The following RTN4IP1 variants were observed in gnomAD, a reference collection of about 807,000 sequenced individuals.
RTN4IP1 encodes NAD(P)H oxidoreductase RTN4IP1, mitochondrial.
A neutral mutation model predicts 46.6 loss-of-function variants in RTN4IP1; 32 were observed. That is an observed-to-expected ratio of 0.69 (90% CI 0.52 to 0.92). The LOEUF (loss-of-function observed/expected upper bound fraction) is 0.92, where lower values mean the gene tolerates loss of function less well. RTN4IP1 is among the 40% of genes least tolerant of loss of function. The pLI, the probability that RTN4IP1 is intolerant of heterozygous loss-of-function variation, is 0.00. For synonymous variants in RTN4IP1, 167 were observed against 161.8 expected, an observed-to-expected ratio of 1.03 and a Z score of -0.24; for missense variants, 424 against 485.8, an observed-to-expected ratio of 0.87 and a Z score of 1.20.
chr6:106,601,761 C>T (rs1171802303), intron 5 of RTN4IP1, among the ~76,000 whole-genome samples: 3 of 151,750 alleles, frequency 2.0e-5, no homozygotes, highest in Non-Finnish European at 4.4e-5. Context: ...CAGACACATG[C>T]CACCATGTCC....
chr6:106,628,552 T>C (rs1280175340), intron 1 of RTN4IP1, among the ~76,000 whole-genome samples, 196 bp downstream of exon 1: 2 of 152,126 alleles, frequency 1.3e-5, no homozygotes, highest in African/African-American at 4.8e-5. Flanking sequence ...AAGCTTATAT[T>C]TTGTCAATAC....
intron 1 of RTN4IP1, among the ~76,000 whole-genome samples, chr6:106,627,743 CTTTTTTTTTTTT>C (rs759953237): frequency 3.4e-4 from 18 of 52,992 alleles, no homozygotes; most frequent in African/African-American, 8.8e-4. Flanking sequence ...CATTTCAATG[CTTTTTTTTTTTT>C]TTTTTTTTTT....
intron 5 of RTN4IP1, among the ~76,000 whole-genome samples, chr6:106,599,223 T>C (rs1775880886): frequency 6.6e-6 from 1 of 151,934 alleles, no homozygotes; most frequent in African/African-American, 2.4e-5. Context: ...TGCTTTTCTA[T>C]TACTTTTTAA....
chr6:106,619,065 G>A, intron 4 of RTN4IP1, 137 bp downstream of exon 4: 1 of 972,300 alleles, frequency 1.0e-6, no homozygotes, highest in South Asian at 1.8e-5. Context: ...GAATGCTTTG[G>A]AAATTGTTTT....
chr6:106,629,039 C>T lies in RTN4IP1; in HGVS notation c.-18G>A, dbSNP rs1220618209. On this transcript the variant is annotated 5_prime_UTR_variant, in exon 1 of 9. Transcript: ENST00000369063. ...AATTCCATTGTAAACACTGGTTGAA[C>T]TGCGTGCTCAAATTCAAATACACTT... 1 of 1,594,984 alleles carries T rather than the reference C, an allele frequency of 6.3e-7. No individual in the cohort carries two copies. The highest frequency in any genetic ancestry group is 2.2e-5 in the East Asian group (1 of 44,584).
chr6:106,602,951 G>A (rs768507617), intron 4 of RTN4IP1, 29 bp from the exon 5 acceptor site: 23 of 1,571,436 alleles, frequency 1.5e-5, no homozygotes, highest in African/African-American at 4.1e-5. Context: ...CACAATTAAC[G>A]AGAATCTAAA....
At chr6:106,577,099 A>G (rs558956920) in intron 8 of RTN4IP1, among the ~76,000 whole-genome samples, 1 of 152,318 alleles carries the variant, frequency 6.6e-6, no homozygotes, top group South Asian at 2.1e-4. Flanking sequence ...CAGAAGGCTT[A>G]CTAATTAGAT....
chr6:106,598,181 C>T (rs1775850150), intron 5 of RTN4IP1, among the ~76,000 whole-genome samples: 1 of 152,064 alleles, frequency 6.6e-6, no homozygotes, highest in Admixed American at 6.6e-5. Flanking sequence ...TTTATAGTAG[C>T]ATGATTTATA....
At chr6:106,608,207 A>G (rs1776134530) in intron 4 of RTN4IP1, among the ~76,000 whole-genome samples, 1 of 152,206 alleles carries the variant, frequency 6.6e-6, no homozygotes, top group Admixed American at 6.5e-5. Context: ...CCTGGAGGAC[A>G]TTATGTTAAG....
chr6:106,587,183 T>C lies in RTN4IP1; in HGVS notation c.990+496A>G, dbSNP rs141654505. On this transcript the variant is annotated intron_variant, in intron 7 of 8. Transcript: ENST00000369063. Reference sequence around the variant, plus strand: ...TCTGGGAATCACTGGTCTATCCCAATACAATGAAAACAGCAGCTGTAAGTT... The same window carrying C: ...TCTGGGAATCACTGGTCTATCCCAACACAATGAAAACAGCAGCTGTAAGTT... Among the ~76,000 whole-genome samples, 23 of 152,280 alleles carry C rather than the reference T, an allele frequency of 1.5e-4. No individual in the cohort carries two copies. The East Asian group carries it at 3.9e-3, about 26-fold the overall frequency.
chr6:106,580,294 C>G (rs1378256784), intron 8 of RTN4IP1, among the ~76,000 whole-genome samples: 2 of 151,074 alleles, frequency 1.3e-5, no homozygotes, highest in East Asian at 3.9e-4. Flanking sequence ...AAACAAGTCT[C>G]TAATGAAGTA....
chr6:106,592,265 A>G lies in RTN4IP1; in HGVS notation c.705T>C (p.Val235=), dbSNP rs1264546775. 1 of 1,614,030 alleles carries G rather than the reference A, an allele frequency of 6.2e-7. No individual in the cohort carries two copies. The highest frequency in any genetic ancestry group is 8.5e-7 in the Non-Finnish European group (1 of 1,180,028). The change falls in exon 6 of 9, where the codon GTT becomes GTC. Residue 235 remains valine (V), a synonymous_variant. Transcript: ENST00000369063. The part of the protein sequence containing the change: ...MKAWDAHVTA[V]CSQDASELVR... ...CAAGTTCACTGGCATCTTGGGAGCA[A>G]ACTGCTGTCACATGAGCATCCCATG...
chr6:106,581,218 G>T (rs1419019752), intron 8 of RTN4IP1, among the ~76,000 whole-genome samples: 1 of 152,114 alleles, frequency 6.6e-6, no homozygotes, highest in African/African-American at 2.4e-5. Flanking sequence ...TGAACCTTAT[G>T]AATGTATTTT....
intron 5 of RTN4IP1, among the ~76,000 whole-genome samples, chr6:106,594,410 G>A (rs1261082771): frequency 6.6e-6 from 1 of 152,138 alleles, no homozygotes; most frequent in Non-Finnish European, 1.5e-5. Context: ...TCAGGAGGCT[G>A]AAGTGGGAGG....
intron 5 of RTN4IP1, among the ~76,000 whole-genome samples, chr6:106,593,418 G>C (rs138606538): frequency 6.6e-6 from 1 of 151,976 alleles, no homozygotes; most frequent in African/African-American, 2.4e-5. Flanking sequence ...CTTAAAAGGG[G>C]GCTATTTTCA....
chr6:106,578,464 T>C (rs1775280559), intron 8 of RTN4IP1, among the ~76,000 whole-genome samples: 2 of 152,174 alleles, frequency 1.3e-5, no homozygotes, highest in South Asian at 4.1e-4. Flanking sequence ...TTGCTATATC[T>C]CCTCCCACCA....
At chr6:106,622,788 C>T (rs1244111964) in intron 2 of RTN4IP1, 30 bp downstream of exon 2, 12 of 1,595,510 alleles carry the variant, frequency 7.5e-6, no homozygotes, top group Non-Finnish European at 1.0e-5. Context: ...GGTTGGATCC[C>T]CGCAGGAATA....
At chr6:106,587,112 T>C (rs1478112856) in intron 7 of RTN4IP1, among the ~76,000 whole-genome samples, 1 of 152,194 alleles carries the variant, frequency 6.6e-6, no homozygotes, top group African/African-American at 2.4e-5. Flanking sequence ...CAAGTAAAAG[T>C]ACAACTTGTT....
chr6:106,590,171 T>C (rs1235612294), intron 6 of RTN4IP1, among the ~76,000 whole-genome samples: 1 of 150,470 alleles, frequency 6.6e-6, no homozygotes, highest in Non-Finnish European at 1.5e-5. Context: ...AATTGAAAAA[T>C]TAGCCGGGTG....
Sources: gnomAD v4.1 joint callset for allele counts (sites outside exome capture counted in the v4.1 genomes callset) on GRCh38, gnomAD v4.1.1 for gene constraint, MANE v1.5 for transcripts, NCBI Gene and HGNC (gene_info 2026-07-23, HGNC 2026-07-21) for gene names.